Variants in MCU observed in about 807,000 individuals in gnomAD.
The protein encoded by MCU is mitochondrial calcium uniporter.
In MCU, 12 loss-of-function variants were observed where a neutral mutation model predicts 45.2. The ratio of observed to expected loss-of-function variants is 0.27; its 90% CI spans 0.17 to 0.43. The LOEUF (loss-of-function observed/expected upper bound fraction) is 0.43, where lower values mean the gene tolerates loss of function less well. MCU is among the 20% of genes least tolerant of loss of function. The pLI is 1.00. For synonymous variants in MCU, 160 were observed against 165.1 expected (o/e 0.97, Z 0.24); for missense variants, 324 against 436.7 (o/e 0.74, Z 2.30).
intron 1 of MCU, among the ~76,000 whole-genome samples, chr10:72,795,913 G>A (rs942797489): frequency 2.6e-5 from 4 of 151,904 alleles, no homozygotes; most frequent in Non-Finnish European, 2.9e-5. Context: ...CAGGAGAATC[G>A]CTTGAACCTG....
intron 1 of MCU, among the ~76,000 whole-genome samples, chr10:72,832,564 TACAA>T (rs1564569440): frequency 6.6e-6 from 1 of 152,126 alleles, no homozygotes; most frequent in African/African-American, 2.4e-5. Flanking sequence ...TTCTCAGAAA[TACAA>T]ACAGAGACTT....
intron 2 of MCU, among the ~76,000 whole-genome samples, chr10:72,836,893 T>C (rs1270674708): frequency 1.3e-5 from 2 of 152,196 alleles, no homozygotes; most frequent in Non-Finnish European, 2.9e-5. Flanking sequence ...TAAGTAGAGT[T>C]TGGTCACCAG....
chr10:72,839,343 AT>A (rs904443640), intron 2 of MCU, among the ~76,000 whole-genome samples: 21 of 148,568 alleles, frequency 1.4e-4, no homozygotes, highest in East Asian at 9.8e-4. Flanking sequence ...AGGGTAGCAA[AT>A]TTTTTTTTTT....
chr10:72,839,392 C>A (rs2132841792), intron 2 of MCU, among the ~76,000 whole-genome samples: 1 of 152,082 alleles, frequency 6.6e-6, no homozygotes. Context: ...CACCCTCAAC[C>A]CCAGGTAACC....
At chr10:72,828,080 G>A (rs1325789534) in intron 1 of MCU, among the ~76,000 whole-genome samples, 1 of 152,182 alleles carries the variant, frequency 6.6e-6, no homozygotes, top group African/African-American at 2.4e-5. Context: ...CTGCTAATTG[G>A]AGTATCCGTA....
Position 72,834,810 on chromosome 10 carries a change from C to T in MCU, c.220+382C>T, listed in dbSNP as rs868687856. Among the ~76,000 whole-genome samples the T allele has an allele frequency of 2.6e-5, 4 of 152,238 alleles. No individual in the cohort carries two copies. The Middle Eastern group carries it at 0.01, about 388-fold the overall frequency. On this transcript the variant is annotated intron_variant, in intron 2 of 7. Coordinates refer to ENST00000373053, the MANE Select transcript of MCU (RefSeq NM_138357.3). ...CCAAGCAGCTGGGACCAGGCGAGCA[C>T]CACCATGCCCAACTAATTTTTGTAT...
intron 1 of MCU, among the ~76,000 whole-genome samples, chr10:72,747,847 A>T (rs1843436260): frequency 6.6e-6 from 1 of 152,010 alleles, no homozygotes; most frequent in Non-Finnish European, 1.5e-5. Flanking sequence ...AACCAAACCA[A>T]ACCATGGAAG....
At position 72,711,843 on chromosome 10, in the gene MCU, C is replaced by A. The variant is rs190098241; in HGVS notation, c.150+19542C>A. Among the ~76,000 whole-genome samples the A allele has an allele frequency of 6.4e-4, 96 of 151,028 alleles. 1 individual carries two copies. The highest frequency in any genetic ancestry group is 1.2e-3 in the Non-Finnish European group (80 of 67,842). On this transcript the variant is annotated intron_variant, in intron 1 of 7. Coordinates refer to ENST00000373053, the MANE Select transcript of MCU (RefSeq NM_138357.3). ...TCTCCTGCCTCTGCCTCCCGAGTAG[C>A]TGGGACTACAGGCGCCCACCACCAC...
At chr10:72,787,203 C>T (rs898508023) in intron 1 of MCU, among the ~76,000 whole-genome samples, 4 of 152,234 alleles carry the variant, frequency 2.6e-5, no homozygotes, top group African/African-American at 9.6e-5. Flanking sequence ...TGGCCACTCC[C>T]GCCCACGGTA....
intron 1 of MCU, among the ~76,000 whole-genome samples, chr10:72,798,675 G>C (rs890619266): frequency 6.6e-6 from 1 of 151,966 alleles, no homozygotes; most frequent in East Asian, 1.9e-4. Context: ...TACTGGAGTA[G>C]TATGTGTTGT....
intron 2 of MCU, among the ~76,000 whole-genome samples, chr10:72,843,128 T>C (rs79237946): frequency 0.019 from 2,927 of 152,312 alleles, 31 homozygotes; most frequent in Non-Finnish European, 0.033. Flanking sequence ...TTGTTGTAAC[T>C]GATGAGCCTG....
At chr10:72,794,867 A>G (rs950007916) in intron 1 of MCU, among the ~76,000 whole-genome samples, 3 of 152,082 alleles carry the variant, frequency 2.0e-5, no homozygotes, top group Non-Finnish European at 2.9e-5. Context: ...ACCTATGTAA[A>G]TCTCCCTGAG....
intron 1 of MCU, among the ~76,000 whole-genome samples, chr10:72,720,308 C>T (rs1843004201): frequency 6.6e-6 from 1 of 152,174 alleles, no homozygotes; most frequent in South Asian, 2.1e-4. Context: ...GAAATAAAGA[C>T]AGGAAGGTTC....
intron 1 of MCU, among the ~76,000 whole-genome samples, chr10:72,824,279 C>T (rs1345469940): frequency 6.6e-6 from 1 of 151,288 alleles, no homozygotes; most frequent in Non-Finnish European, 1.5e-5. Flanking sequence ...TCACTGCAAC[C>T]TCCACCTCCC....
chr10:72,692,522 C>T, intron 1 of MCU: 1 of 1,035,264 alleles, frequency 9.7e-7, no homozygotes, highest in Non-Finnish European at 1.2e-6. Context: ...GGAGGGGCGA[C>T]GGCGGGGATG....
At chr10:72,807,179 G>A (rs918943485) in intron 1 of MCU, among the ~76,000 whole-genome samples, 4 of 152,130 alleles carry the variant, frequency 2.6e-5, no homozygotes, top group Non-Finnish European at 4.4e-5. Context: ...AAGCCTGATG[G>A]CCACAAAGAC....
intron 1 of MCU, among the ~76,000 whole-genome samples, chr10:72,773,655 C>A (rs1589453237): frequency 1.3e-5 from 2 of 151,882 alleles, no homozygotes; most frequent in South Asian, 4.2e-4. Context: ...CAGATTAAAC[C>A]CAGATGAAAC....
chr10:72,699,242 C>T (rs1399825814), intron 1 of MCU, among the ~76,000 whole-genome samples: 2 of 152,136 alleles, frequency 1.3e-5, no homozygotes, highest in Admixed American at 6.5e-5. Context: ...CGTAGTGGCT[C>T]ATGCCTGTAA....
At chr10:72,767,294 G>C (rs1423112930) in intron 1 of MCU, among the ~76,000 whole-genome samples, 1 of 152,042 alleles carries the variant, frequency 6.6e-6, no homozygotes, top group Non-Finnish European at 1.5e-5. Context: ...CCTAGGAAAG[G>C]TCTTAGCTGC....
Sources: gnomAD v4.1 joint callset for allele counts (sites outside exome capture counted in the v4.1 genomes callset) on GRCh38, gnomAD v4.1.1 for gene constraint, MANE v1.5 for transcripts, NCBI Gene and HGNC (gene_info 2026-07-23, HGNC 2026-07-21) for gene names.